ATP5PB: variants seen among roughly 807,000 people sequenced by gnomAD.
ATP5PB encodes ATP synthase peripheral stalk-membrane subunit b.
Under a neutral mutation model 34.5 loss-of-function variants are expected in ATP5PB, and 21 were observed. The observed-to-expected ratio is 0.61, with a 90% CI of 0.43 to 0.88. The LOEUF (loss-of-function observed/expected upper bound fraction) is 0.88. ATP5PB is among the 40% of genes least tolerant of loss of function. ATP5PB has a pLI of 0.00. For missense variants in ATP5PB, 293 were observed against 317.4 expected, an observed-to-expected ratio of 0.92 and a Z score of 0.58; for synonymous variants, 108 against 114.1, an observed-to-expected ratio of 0.95 and a Z score of 0.34.
At chr1:111,451,113 G>C (rs891898407) in intron 2 of ATP5PB, among the ~76,000 whole-genome samples, 4 of 152,092 alleles carry the variant, frequency 2.6e-5, no homozygotes, top group Non-Finnish European at 1.5e-5. Context: ...GGAGGATTAT[G>C]TCAATCCCCC....
chr1:111,455,567 A>G (rs1237352600), intron 3 of ATP5PB, among the ~76,000 whole-genome samples: 2 of 152,224 alleles, frequency 1.3e-5, no homozygotes, highest in Admixed American at 6.5e-5. Flanking sequence ...AAGCATTGTA[A>G]TTAGGTGCTA....
chr1:111,461,080 T>C lies in ATP5PB; in HGVS notation c.*86T>C. On this transcript the variant is annotated 3_prime_UTR_variant, in exon 7 of 7. Coordinates refer to ENST00000369722, the MANE Select transcript of ATP5PB (RefSeq NM_001688.5). ...ATTTGACAAAGTCTTTCTGTGTTGG[T>C]GTCTACTGAAGTTATAGTTTACCCT... is the stretch of plus-strand genomic sequence containing the variant. The C allele has an allele frequency of 7.9e-7, 1 of 1,273,872 alleles. No homozygotes were observed. The highest frequency in any genetic ancestry group is 1.1e-6 in the Non-Finnish European group (1 of 891,410). The allele number at this position is 1,273,872 out of a possible 1,614,324, so 78.9% of individuals were successfully genotyped here. A position where few individuals can be genotyped will look rare whatever the true frequency, so the allele number is the denominator to read the frequency against.
Position 111,449,836 on chromosome 1 carries a change from G to GC in ATP5PB, c.45dup (p.Ser16LeufsTer34), listed in dbSNP as rs916436744. 1 of 1,614,042 alleles carries GC rather than the reference G, an allele frequency of 6.2e-7. No homozygotes were observed. The highest frequency in any genetic ancestry group is 8.5e-7 in the Non-Finnish European group (1 of 1,180,030). The stretch of plus-strand genomic sequence containing the variant: ...CTGACCTTCGCCTTGTCTATCTGCA[G>GC]CCCCCTCTCTGAAGAATGCAGCCTT... On this transcript the variant is annotated frameshift_variant and splice_region_variant. Coordinates refer to ENST00000369722, the MANE Select transcript of ATP5PB (RefSeq NM_001688.5). LOFTEE classifies it high-confidence loss of function.
intron 5 of ATP5PB, among the ~76,000 whole-genome samples, chr1:111,456,984 A>T (rs1653491401): frequency 6.6e-6 from 1 of 152,024 alleles, no homozygotes; most frequent in African/African-American, 2.4e-5. Context: ...ATTAAAAAAA[A>T]TTTTGGATCC....
Position 111,456,775 on chromosome 1 carries a change from A to G in ATP5PB, c.513+20A>G. 1.3e-6 allele frequency: 2 copies of G among 1,582,914 alleles called. No individual in the cohort carries two copies. The highest frequency in any genetic ancestry group is 3.8e-5 in the Admixed American group (2 of 53,110). ...CAAAGGGTAGGTTTCAGAAGTTTCT[A>G]GGAAGAATGAAGTTACTTGTTGTGT... On this transcript the variant is annotated intron_variant, in intron 5 of 6. Coordinates refer to ENST00000369722, the MANE Select transcript of ATP5PB (RefSeq NM_001688.5).
rs1486289816 is a variant in ATP5PB at position 111,450,009 on chromosome 1, C to T, written c.77+136C>T. Reference sequence around the variant, plus strand: ...TGGGACACTTAAACCCTCTTTCAGACAAGACACTTGTTCCTGTAACTGCCA... The same window carrying T: ...TGGGACACTTAAACCCTCTTTCAGATAAGACACTTGTTCCTGTAACTGCCA... On this transcript the variant is annotated intron_variant, in intron 2 of 6. Transcript: ENST00000369722. The T allele has an allele frequency of 3.6e-6, 4 of 1,106,522 alleles. No individual in the cohort carries two copies. In the East Asian group the frequency reaches 9.5e-5, roughly 26 times the overall value. The allele number at this position is 1,106,522 out of a possible 1,614,324, so 68.5% of individuals were successfully genotyped here.
intron 2 of ATP5PB, among the ~76,000 whole-genome samples, chr1:111,450,377 T>C (rs148916117): frequency 5.9e-5 from 9 of 152,310 alleles, no homozygotes; most frequent in Non-Finnish European, 1.2e-4. Flanking sequence ...TGAGTATGGC[T>C]AATTACCTGC....
chr1:111,456,836 GT>G, intron 5 of ATP5PB, 81 bp downstream of exon 5: 1 of 1,434,794 alleles, frequency 7.0e-7, no homozygotes, highest in Non-Finnish European at 9.2e-7. Context: ...ATGAAGAATG[GT>G]TAAATAGATT....
chr1:111,449,627 GA>G (rs1429593884), intron 1 of ATP5PB, 46 bp downstream of exon 1: 1 of 1,567,770 alleles, frequency 6.4e-7, no homozygotes, highest in African/African-American at 1.4e-5. Context: ...TGATTGGAAA[GA>G]AGCGAATCTA....
chr1:111,460,894 A>C (rs1226607826), intron 6 of ATP5PB, 23 bp from the exon 7 acceptor site: 1 of 1,611,022 alleles, frequency 6.2e-7, no homozygotes, highest in Middle Eastern at 1.7e-4. Context: ...AGGTCTAACC[A>C]GATTTCTCTT....
Position 111,459,528 on chromosome 1 carries a change from T to C in ATP5PB, c.585T>C (p.Asn195=). The part of the protein sequence containing the change: ...RLYRVYKEVK[N]RLDYHISVQN... ...ATAGAGTATATAAGGAAGTAAAGAA[T>C]CGCCTGGACTATCATATATCTGTGC... Residue 195 remains asparagine, a synonymous_variant, in exon 6 of 7, where the codon AAT becomes AAC. Transcript: ENST00000369722. The C allele has an allele frequency of 6.2e-7, 1 of 1,613,950 alleles. No individual in the cohort carries two copies. Among genetic ancestry groups the C allele is most frequent in the East Asian group, 2.2e-5 (1 of 44,882 alleles).
intron 2 of ATP5PB, among the ~76,000 whole-genome samples, chr1:111,450,153 C>G (rs1167731966): frequency 6.6e-6 from 1 of 152,192 alleles, no homozygotes; most frequent in Non-Finnish European, 1.5e-5. Flanking sequence ...GTGACCTTCC[C>G]TTGGGACCTT....
chr1:111,453,779 A>G (rs991242168), intron 2 of ATP5PB, among the ~76,000 whole-genome samples: 7 of 152,204 alleles, frequency 4.6e-5, no homozygotes, highest in Admixed American at 2.6e-4. Context: ...CTCAACAACC[A>G]TATAAGGTAT....
chr1:111,461,059 G>A lies in ATP5PB; in HGVS notation c.*65G>A. 6.9e-7 allele frequency: 1 copy of A among 1,440,312 alleles called. No individual in the cohort carries two copies. Among genetic ancestry groups the A allele is most frequent in the East Asian group, 2.3e-5 (1 of 42,590 alleles). 89.2% of individuals were successfully genotyped at this position (1,440,312 alleles called of 1,614,324 possible). ...TGACTAAATGGAAACTAGTCTATTT[G>A]ACAAAGTCTTTCTGTGTTGGTGTCT... On this transcript the variant is annotated 3_prime_UTR_variant, in exon 7 of 7. Transcript: ENST00000369722.
intron 3 of ATP5PB, 105 bp downstream of exon 3, chr1:111,454,461 TGTTG>T: frequency 7.0e-7 from 1 of 1,425,774 alleles, no homozygotes; most frequent in African/African-American, 1.6e-5. Flanking sequence ...TTGTTGTTGT[TGTTG>T]TTGTTTTTTG....
intron 4 of ATP5PB, 94 bp downstream of exon 4, chr1:111,456,343 T>C (rs1653471912): frequency 6.1e-6 from 8 of 1,302,422 alleles, no homozygotes; most frequent in Non-Finnish European, 8.3e-6. Flanking sequence ...GGGAGCAACA[T>C]ATAGAAATGA....
chr1:111,460,620 A>G (rs750956559), intron 6 of ATP5PB, among the ~76,000 whole-genome samples: 1 of 152,200 alleles, frequency 6.6e-6, no homozygotes, highest in African/African-American at 2.4e-5. Flanking sequence ...ACAAGCCAAC[A>G]TCAGTGGCAG....
At chr1:111,450,426 A>G (rs1653287990) in intron 2 of ATP5PB, among the ~76,000 whole-genome samples, 1 of 152,198 alleles carries the variant, frequency 6.6e-6, no homozygotes, top group South Asian at 2.1e-4. Context: ...GAGGCACCTT[A>G]AGAGTATTGG....
rs758732868 is a variant in ATP5PB at position 111,454,200 on chromosome 1, A to G, written c.78-11A>G. 6 of 1,559,974 alleles carry G rather than the reference A, an allele frequency of 3.8e-6. No individual in the cohort carries two copies. The highest frequency in any genetic ancestry group is 2.1e-5 in the Admixed American group (1 of 47,050). ...AAACAGGCTTTACATTTGTACAATT[A>G]CTACCTGTAGGGTATTGCAGGCAAC... On this transcript the variant is annotated splice_polypyrimidine_tract_variant and intron_variant, in intron 2 of 6. Transcript: ENST00000369722.
Sources: allele counts gnomAD v4.1 joint callset (sites outside exome capture counted in the v4.1 genomes callset), GRCh38; gene constraint gnomAD v4.1.1; transcripts MANE v1.5; gene names NCBI Gene and HGNC (gene_info 2026-07-23, HGNC 2026-07-21).